Variants in PRTG observed in about 807,000 individuals in gnomAD.
The protein encoded by PRTG is immunoglobulin superfamily, DCC subclass, member 5.
In PRTG, 67 loss-of-function variants were observed where a neutral mutation model predicts 122.5. That is an observed-to-expected ratio of 0.55 (90% CI 0.45 to 0.67). The LOEUF (loss-of-function observed/expected upper bound fraction) is 0.67. Ranked by LOEUF, PRTG falls within the 30% of genes least tolerant of loss-of-function variation. The pLI, the probability that PRTG is intolerant of heterozygous loss-of-function variation, is 0.00. For missense variants in PRTG, 1,435 were observed against 1,415.4 expected (o/e 1.01, Z -0.22); for synonymous variants, 554 against 501.1 (o/e 1.11, Z -1.41).
intron 11 of PRTG, among the ~76,000 whole-genome samples, chr15:55,671,236 G>A (rs2059469359): frequency 6.6e-6 from 1 of 152,156 alleles, no homozygotes; most frequent in African/African-American, 2.4e-5. Flanking sequence ...AGAAGCCCAT[G>A]GCTGTACAGC....
At chr15:55,735,116 A>C (rs190425455) in intron 2 of PRTG, among the ~76,000 whole-genome samples, 1 of 152,302 alleles carries the variant, frequency 6.6e-6, no homozygotes, top group East Asian at 1.9e-4. Flanking sequence ...AAAAGTATTA[A>C]AATAGTCTTG....
At chr15:55,632,445 C>T (rs1042076910) in intron 15 of PRTG, among the ~76,000 whole-genome samples, 13 of 152,216 alleles carry the variant, frequency 8.5e-5, no homozygotes, top group Non-Finnish European at 1.3e-4. Flanking sequence ...CCAAAGCAAT[C>T]CTTTCTCAAC....
In PRTG at chr15:55,612,220, G is replaced by A. The variant is rs560767604; in HGVS notation, c.*7792C>T. 1.3e-5 allele frequency: 2 copies of A among 152,118 alleles called. No homozygotes were observed. The highest frequency in any genetic ancestry group is 4.8e-5 in the African/African-American group (2 of 41,528). 9.4% of individuals were successfully genotyped at this position (152,118 alleles called of 1,614,324 possible). A position where few individuals can be genotyped will look rare whatever the true frequency, so the allele number is the denominator to read the frequency against. Reference sequence around the variant, plus strand: ...CATTTGCAAACAAAATAGATATCCAGAATGTGATAACAGGAAACAGAATAT... The same window carrying A: ...CATTTGCAAACAAAATAGATATCCAAAATGTGATAACAGGAAACAGAATAT... On this transcript the variant is annotated 3_prime_UTR_variant, in exon 20 of 20. Transcript: ENST00000389286.
At chr15:55,721,410 A>T (rs1041500078) in intron 2 of PRTG, among the ~76,000 whole-genome samples, 1 of 152,210 alleles carries the variant, frequency 6.6e-6, no homozygotes, top group Non-Finnish European at 1.5e-5. Context: ...ATAGTGTATA[A>T]TGAGTCTTTC....
rs1040226167 is a variant in PRTG at position 55,619,766 on chromosome 15, C to A, written c.*246G>T. On this transcript the variant is annotated 3_prime_UTR_variant, in exon 20 of 20. Transcript: ENST00000389286. ...ACACATTCAAAAAAAGCTAAAATAC[C>A]CCATAAAGATATTAAGATTTTCACA... The A allele has an allele frequency of 9.8e-6, 5 of 509,932 alleles. No individual in the cohort carries two copies. Among genetic ancestry groups the A allele is most frequent in the South Asian group, 4.1e-5 (1 of 24,658 alleles). The allele number at this position is 509,932 out of a possible 1,614,324, so 31.6% of individuals were successfully genotyped here.
intron 7 of PRTG, 80 bp downstream of exon 7, chr15:55,679,206 T>A (rs2059522375): frequency 1.2e-6 from 1 of 864,606 alleles, no homozygotes; most frequent in African/African-American, 1.7e-5. Context: ...AGGTATTTGA[T>A]ATTATTATAA....
intron 13 of PRTG, 147 bp from the exon 14 acceptor site, chr15:55,638,823 A>G (rs2059272820): frequency 1.5e-6 from 1 of 669,884 alleles, no homozygotes; most frequent in Non-Finnish European, 2.4e-6. Flanking sequence ...CTAAAGAACA[A>G]TTTAATTGGA....
rs928936379 is a variant in PRTG, at chr15:55,614,007, A to G, written c.*6005T>C. 6.6e-6 allele frequency: 1 copy of G among 152,110 alleles called. No individual in the cohort carries two copies. The highest frequency in any genetic ancestry group is 2.4e-5 in the African/African-American group (1 of 41,450). The allele number at this position is 152,110 out of a possible 1,614,324, so 9.4% of individuals were successfully genotyped here. On this transcript the variant is annotated 3_prime_UTR_variant, in exon 20 of 20. Coordinates refer to ENST00000389286, the MANE Select transcript of PRTG (RefSeq NM_173814.6). ...CTGTAGATGCTCAACAAATGGCATC[A>G]TATTACTTCCTAGAGTCGGGAGAAG...
intron 15 of PRTG, among the ~76,000 whole-genome samples, chr15:55,632,084 T>C (rs1401675615): frequency 2.6e-5 from 4 of 152,188 alleles, no homozygotes; most frequent in Non-Finnish European, 5.9e-5. Context: ...ACATCACCTA[T>C]ACATTGATAA....
intron 2 of PRTG, among the ~76,000 whole-genome samples, chr15:55,736,386 T>G (rs1371586450): frequency 6.6e-6 from 1 of 152,042 alleles, no homozygotes; most frequent in Non-Finnish European, 1.5e-5. Context: ...CCATCTTTTT[T>G]TTTTTAACAT....
Position 55,727,754 on chromosome 15 carries a change from C to A in PRTG, c.397+12628G>T, listed in dbSNP as rs537651760. Among the ~76,000 whole-genome samples the A allele has an allele frequency of 2.0e-5, 3 of 152,270 alleles. No homozygotes were observed. In the South Asian group the frequency reaches 6.2e-4, roughly 32 times the overall value. On this transcript the variant is annotated intron_variant, in intron 2 of 19. Transcript: ENST00000389286. ...GTGGTTGCAGTGAGCCAAGATGGCG[C>A]CACTGCACTCCAGCCTTGGCGACAG...
At chr15:55,739,291 G>A (rs2031537133) in intron 2 of PRTG, among the ~76,000 whole-genome samples, 2 of 147,988 alleles carry the variant, frequency 1.4e-5, no homozygotes, top group South Asian at 4.3e-4. Flanking sequence ...TTAAAGAGAT[G>A]GAGTCTCACT....
chr15:55,732,187 T>C (rs2141885113), intron 2 of PRTG, among the ~76,000 whole-genome samples: 1 of 152,192 alleles, frequency 6.6e-6, no homozygotes, highest in Non-Finnish European at 1.5e-5. Context: ...CATGACTAGA[T>C]TTGTTTGTTT....
At chr15:55,714,852 C>G (rs2030540139) in intron 2 of PRTG, among the ~76,000 whole-genome samples, 1 of 152,122 alleles carries the variant, frequency 6.6e-6, no homozygotes, top group South Asian at 2.1e-4. Flanking sequence ...TTAAAAACCT[C>G]TGTGTTTAAT....
Position 55,680,615 on chromosome 15 carries a change from T to C in PRTG, c.690A>G (p.Lys230=), listed in dbSNP as rs762269941. 39 of 1,544,130 alleles carry C rather than the reference T, an allele frequency of 2.5e-5. No homozygotes were observed. Among genetic ancestry groups the C allele is most frequent in the Non-Finnish European group, 3.1e-5 (35 of 1,143,130 alleles). Residue 230 remains lysine, a synonymous_variant, in exon 5 of 20, where the codon AAA becomes AAG. Coordinates refer to ENST00000389286, the MANE Select transcript of PRTG (RefSeq NM_173814.6). The part of the protein sequence containing the change: ...SLTVIPAKES[K]SFHTPTIIAG... Reference sequence around the variant, plus strand: ...CTATAATTGTTGGTGTGTGGAAGGATTTTGACTCCTTAGCTTTGGGGAGGA... The same window carrying C: ...CTATAATTGTTGGTGTGTGGAAGGACTTTGACTCCTTAGCTTTGGGGAGGA...
intron 2 of PRTG, among the ~76,000 whole-genome samples, chr15:55,724,351 A>G (rs1310924855): frequency 6.6e-6 from 1 of 151,816 alleles, no homozygotes; most frequent in Admixed American, 6.6e-5. Context: ...ATATTTTGGG[A>G]CTCTGCTGTT....
At chr15:55,666,013 G>A (rs1595631878) in intron 11 of PRTG, among the ~76,000 whole-genome samples, 1 of 152,240 alleles carries the variant, frequency 6.6e-6, no homozygotes, top group East Asian at 1.9e-4. Context: ...TGCAGTAGCA[G>A]AGTTGAATAC....
At chr15:55,714,807 T>C (rs1161122346) in intron 2 of PRTG, among the ~76,000 whole-genome samples, 1 of 152,148 alleles carries the variant, frequency 6.6e-6, no homozygotes, top group Non-Finnish European at 1.5e-5. Flanking sequence ...TAAACATAGC[T>C]TGATGTTGCT....
At chr15:55,622,010 C>T (rs894995635) in intron 18 of PRTG, among the ~76,000 whole-genome samples, 8 of 152,156 alleles carry the variant, frequency 5.3e-5, no homozygotes, top group South Asian at 4.1e-4. Context: ...GATGGAGTAT[C>T]AACTCTAGGG....
Sources: gnomAD v4.1 joint callset for allele counts (sites outside exome capture counted in the v4.1 genomes callset) on GRCh38, gnomAD v4.1.1 for gene constraint, MANE v1.5 for transcripts, NCBI Gene and HGNC (gene_info 2026-07-23, HGNC 2026-07-21) for gene names.